Variants in XKR9 observed in about 807,000 individuals in gnomAD.
XKR9 encodes the protein XK related 9.
XKR9 carries 32 observed loss-of-function variants against 32.0 expected under a neutral mutation model. The ratio of observed to expected loss-of-function variants is 1.00; its 90% confidence interval spans 0.76 to 1.34. The LOEUF is 1.34. Among genes scored for constraint, XKR9 ranks in the 40% most tolerant of loss-of-function variants. The pLI, the probability that XKR9 is intolerant of heterozygous loss-of-function variation, is 0.00. For synonymous variants in XKR9, 168 were observed against 143.4 expected (o/e 1.17, Z -1.22); for missense variants, 546 against 429.7 (o/e 1.27, Z -2.39).
intron 4 of XKR9, among the ~76,000 whole-genome samples, chr8:70,714,589 T>C (rs1053926430): frequency 6.6e-6 from 1 of 152,166 alleles, no homozygotes; most frequent in East Asian, 1.9e-4. Context: ...TCATAACTTA[T>C]TGATAAAATA....
At chr8:71,034,483 A>G in the XKR9 span, among the ~76,000 whole-genome samples, 1 of 152,194 alleles carries the variant, frequency 6.6e-6, no homozygotes. Context: ...GTGAGTACAG[A>G]CTAATACAGT....
the XKR9 span, among the ~76,000 whole-genome samples, chr8:70,822,621 A>G: frequency 6.6e-6 from 1 of 151,996 alleles, no homozygotes; most frequent in Non-Finnish European, 1.5e-5. Context: ...CAGTGGGGAT[A>G]TCAGTTAGAT....
chr8:70,820,266 C>T, the XKR9 span, among the ~76,000 whole-genome samples: 1 of 152,266 alleles, frequency 6.6e-6, no homozygotes, highest in East Asian at 1.9e-4. Context: ...TTAGATTATA[C>T]CCTTTTGTCT....
At chr8:70,857,821 C>T in the XKR9 span, among the ~76,000 whole-genome samples, 1 of 152,138 alleles carries the variant, frequency 6.6e-6, no homozygotes, top group Non-Finnish European at 1.5e-5. Context: ...ATATGCAAAT[C>T]AAGAAATGTA....
the XKR9 span, among the ~76,000 whole-genome samples, chr8:70,811,659 A>G: frequency 2.6e-5 from 4 of 152,226 alleles, no homozygotes; most frequent in Non-Finnish European, 4.4e-5. Flanking sequence ...AATACTACAA[A>G]CACCTCTACA....
At chr8:71,025,184 T>C in the XKR9 span, among the ~76,000 whole-genome samples, 1 of 152,154 alleles carries the variant, frequency 6.6e-6, no homozygotes, top group African/African-American at 2.4e-5. Flanking sequence ...TACAGAGCTC[T>C]TTTATTAACC....
At chr8:70,983,810 TAAATAAAATAAA>T in the XKR9 span, among the ~76,000 whole-genome samples, 2 of 146,356 alleles carry the variant, frequency 1.4e-5, no homozygotes, top group Non-Finnish European at 3.0e-5. Context: ...AATAAATAAA[TAAATAAAATAAA>T]AAATAAAATA....
the XKR9 span, among the ~76,000 whole-genome samples, chr8:70,799,024 C>G: frequency 3.9e-5 from 6 of 152,092 alleles, no homozygotes; most frequent in African/African-American, 1.4e-4. Flanking sequence ...ATTGCCTTGG[C>G]TGTTCAAGCT....
At chr8:70,774,960 T>A (rs1807499710) in intron 2 of XKR9, among the ~76,000 whole-genome samples, 1 of 152,126 alleles carries the variant, frequency 6.6e-6, no homozygotes, top group Non-Finnish European at 1.5e-5. Flanking sequence ...AATCTTTGGA[T>A]CAATTTTATT....
At chr8:71,030,845 A>C in the XKR9 span, among the ~76,000 whole-genome samples, 3 of 152,306 alleles carry the variant, frequency 2.0e-5, no homozygotes, top group African/African-American at 7.2e-5. Flanking sequence ...ATCACCTTAT[A>C]GGAGAAATCT....
At chr8:70,855,418 A>G in the XKR9 span, among the ~76,000 whole-genome samples, 1 of 152,174 alleles carries the variant, frequency 6.6e-6, no homozygotes, top group East Asian at 1.9e-4. Flanking sequence ...CAAGGAGAGA[A>G]GTTTAGAGAA....
chr8:70,897,957 T>C, the XKR9 span, among the ~76,000 whole-genome samples: 1 of 152,228 alleles, frequency 6.6e-6, no homozygotes, highest in Non-Finnish European at 1.5e-5. Context: ...ATTTATTTAA[T>C]GTAGAGGATT....
rs545775949 is a variant in XKR9, at chr8:70,784,986, T to C, written n.353-4353T>C. Among the ~76,000 whole-genome samples, 12 of 152,234 alleles carry C rather than the reference T, an allele frequency of 7.9e-5. No individual in the cohort carries two copies. In the East Asian group the frequency reaches 1.9e-3, roughly 24 times the overall value. On this transcript the variant is annotated intron_variant and non_coding_transcript_variant, in intron 2 of 3. Coordinates refer to the XKR9 transcript ENST00000520273. The stretch of plus-strand genomic sequence containing the variant: ...ATATGATTTTTCTTCTTCATTCTGT[T>C]AATGTGATGTATCACATTTATTGAT...
intron 4 of XKR9, among the ~76,000 whole-genome samples, chr8:70,724,140 T>G (rs950215104): frequency 1.3e-5 from 2 of 152,056 alleles, no homozygotes; most frequent in Non-Finnish European, 2.9e-5. Context: ...TGTGCTGTGG[T>G]GAGTTCTGCC....
At chr8:70,840,371 C>T in the XKR9 span, among the ~76,000 whole-genome samples, 1 of 151,964 alleles carries the variant, frequency 6.6e-6, no homozygotes, top group East Asian at 1.9e-4. Flanking sequence ...CTTCGCTGAC[C>T]TTATATTTTT....
At chr8:70,827,376 G>A in the XKR9 span, among the ~76,000 whole-genome samples, 14 of 152,252 alleles carry the variant, frequency 9.2e-5, no homozygotes, top group Non-Finnish European at 1.6e-4. Flanking sequence ...ACATTATTTA[G>A]TGTTCTTTTT....
the XKR9 span, among the ~76,000 whole-genome samples, chr8:70,944,934 T>C: frequency 1.3e-5 from 2 of 152,154 alleles, no homozygotes; most frequent in African/African-American, 4.8e-5. Context: ...AAAATAGCAA[T>C]TGTATGACCA....
intron 2 of XKR9, among the ~76,000 whole-genome samples, chr8:70,766,223 C>T (rs1288300290): frequency 1.3e-5 from 2 of 152,108 alleles, no homozygotes; most frequent in South Asian, 4.2e-4. Flanking sequence ...GGTATTGATT[C>T]TTTCTACCCA....
the XKR9 span, among the ~76,000 whole-genome samples, chr8:71,015,577 A>C: frequency 6.6e-6 from 1 of 152,170 alleles, no homozygotes; most frequent in Non-Finnish European, 1.5e-5. Flanking sequence ...TATAGTAACA[A>C]AAGCAGAATC....
Sources: gnomAD v4.1 joint callset for allele counts (sites outside exome capture counted in the v4.1 genomes callset) on GRCh38, gnomAD v4.1.1 for gene constraint, MANE v1.5 for transcripts, NCBI Gene and HGNC (gene_info 2026-07-23, HGNC 2026-07-21) for gene names.